Variants in UBA52 observed in about 807,000 individuals in gnomAD.
The protein encoded by UBA52 is ubiquitin A-52 residue ribosomal protein fusion product 1, also known as ubiquitin-ribosomal protein eL40 fusion protein.
Under a neutral mutation model 15.3 loss-of-function variants are expected in UBA52, and 1 was observed. That is an observed-to-expected ratio of 0.07 (90% CI 0.02 to 0.31). UBA52 has a LOEUF of 0.31. UBA52 is among the 10% of genes least tolerant of loss of function. UBA52 has a pLI of 1.00. For missense variants in UBA52, 87 were observed against 168.0 expected, an observed-to-expected ratio of 0.52 and a Z score of 2.66; for synonymous variants, 50 against 58.3, an observed-to-expected ratio of 0.86 and a Z score of 0.65.
chr19:18,564,910 T>G, the UBA52 span: 1 of 1,613,810 alleles, frequency 6.2e-7, no homozygotes, highest in South Asian at 1.1e-5. Flanking sequence ...CTGCTCAACT[T>G]CAACAACCTG....
intron 3 of UBA52, 35 bp downstream of exon 3, chr19:18,573,783 G>A: frequency 6.3e-7 from 1 of 1,598,236 alleles, no homozygotes; most frequent in Non-Finnish European, 8.6e-7. Context: ...AGGGACCCAA[G>A]ATCCCCAGGT....
upstream of UBA52, among the ~76,000 whole-genome samples, chr19:18,570,044 G>A (rs1042793935): frequency 2.0e-5 from 3 of 152,114 alleles, no homozygotes; most frequent in Admixed American, 6.6e-5. Context: ...AAAAAGAAAA[G>A]GAAATTAGGT....
In UBA52 at chr19:18,574,955, C is replaced by A; in HGVS notation, c.276C>A (p.Asp92Glu). 1 of 1,614,206 alleles carries A rather than the reference C, an allele frequency of 6.2e-7. No homozygotes were observed. The highest frequency in any genetic ancestry group is 1.1e-5 in the South Asian group (1 of 91,088). Residue 92 changes from aspartate to glutamate, a missense_variant, in exon 4 of 5, where the codon GAC (aspartate) becomes GAA (glutamate). Transcript: ENST00000442744. ...LRQLAQKYNCDKMICRKCYAR... is the reference protein window; with the variant it reads ...LRQLAQKYNCEKMICRKCYAR... ...AGCTTGCCCAGAAATACAACTGCGA[C>A]AAGATGATCTGCCGCAAGTATGTGT... is the stretch of plus-strand genomic sequence containing the variant.
upstream of UBA52, chr19:18,571,615 C>T: frequency 6.6e-6 from 1 of 152,326 alleles, no homozygotes; most frequent in East Asian, 1.9e-4. Flanking sequence ...TGTCAGTGGC[C>T]TAGAGGCAGC....
chr19:18,565,570 G>A, the UBA52 span, among the ~76,000 whole-genome samples: 1 of 152,164 alleles, frequency 6.6e-6, no homozygotes, highest in East Asian at 1.9e-4. Flanking sequence ...CTGGAGTGCA[G>A]TGGCGTGATC....
the UBA52 span, chr19:18,565,015 G>A: frequency 2.9e-4 from 458 of 1,596,590 alleles, no homozygotes; most frequent in Non-Finnish European, 3.4e-4. Flanking sequence ...ATCTTCCGCC[G>A]TATCAGGTGG....
chr19:18,573,807 C>A, intron 3 of UBA52, 59 bp downstream of exon 3: 1 of 1,512,322 alleles, frequency 6.6e-7, no homozygotes, highest in Non-Finnish European at 9.2e-7. Flanking sequence ...AGGAAAGGAG[C>A]ATTGATGGCC....
chr19:18,568,224 A>T (rs1975351808), upstream of UBA52, among the ~76,000 whole-genome samples: 3 of 149,932 alleles, frequency 2.0e-5, no homozygotes, highest in African/African-American at 7.4e-5. Context: ...CCGAGATTAT[A>T]CCATTGCACT....
chr19:18,576,015 G>A lies in UBA52; in HGVS notation c.*865G>A, dbSNP rs951963148. The stretch of plus-strand genomic sequence containing the variant: ...TTCGCCTTGGCCTCCCAGAATGCTG[G>A]TATTACAGGCGTGAGCCAGCACGCC... On this transcript the variant is annotated 3_prime_UTR_variant, in exon 5 of 5. Transcript: ENST00000442744. The A allele has an allele frequency of 6.6e-6, 1 of 152,272 alleles. No homozygotes were observed. The highest frequency in any genetic ancestry group is 6.5e-5 in the Admixed American group (1 of 15,278). 9.4% of individuals were successfully genotyped at this position (152,272 alleles called of 1,614,324 possible). A position where few individuals can be genotyped will look rare whatever the true frequency, so the allele number is the denominator to read the frequency against.
At chr19:18,572,075 G>A (rs1018935953) in intron 1 of UBA52, 166 bp downstream of exon 1, 2 of 152,324 alleles carry the variant, frequency 1.3e-5, no homozygotes, top group African/African-American at 2.4e-5. Flanking sequence ...CAGGAGGCGA[G>A]CGCCGTTTTG....
chr19:18,574,796 C>G (rs558264272), intron 3 of UBA52, 74 bp from the exon 4 acceptor site: 1 of 1,576,790 alleles, frequency 6.3e-7, no homozygotes, highest in African/African-American at 1.3e-5. Flanking sequence ...ACTATAGGCC[C>G]TGGAGGGTCC....
rs1413805311 is a variant in UBA52 at position 18,576,910 on chromosome 19, T to C, written c.*1760T>C. 2.0e-5 allele frequency: 3 copies of C among 151,622 alleles called. No homozygotes were observed. The highest frequency in any genetic ancestry group is 4.4e-5 in the Non-Finnish European group (3 of 67,942). 9.4% of individuals were successfully genotyped at this position (151,622 alleles called of 1,614,324 possible). ...CTTGAACTACTGACCTCTTGTGATC[T>C]ACCTGTCTTGGCCTTCCAAAGTGCT... is the stretch of plus-strand genomic sequence containing the variant. On this transcript the variant is annotated 3_prime_UTR_variant, in exon 5 of 5. Transcript: ENST00000442744.
At chr19:18,566,212 A>T in the UBA52 span, among the ~76,000 whole-genome samples, 1 of 152,120 alleles carries the variant, frequency 6.6e-6, no homozygotes, top group South Asian at 2.1e-4. Context: ...GCACTTTGGG[A>T]GGCCGAGGCA....
chr19:18,570,391 A>G (rs1384476003), upstream of UBA52, among the ~76,000 whole-genome samples: 1 of 151,882 alleles, frequency 6.6e-6, no homozygotes, highest in Non-Finnish European at 1.5e-5. Flanking sequence ...TTGTAGAGAC[A>G]GGGTCTCACT....
At chr19:18,567,274 C>A, upstream of UBA52, 1 of 1,303,136 alleles carries the variant, frequency 7.7e-7, no homozygotes, top group Admixed American at 1.8e-5. Context: ...ATACTGAGAC[C>A]AGGCTGTAAT....
At chr19:18,568,767 C>A, upstream of UBA52, 1 of 659,330 alleles carries the variant, frequency 1.5e-6, no homozygotes, top group Non-Finnish European at 2.6e-6. Context: ...GGGGACAAGG[C>A]TCTCTCCCGA....
Position 18,574,185 on chromosome 19 carries a change from G to A in UBA52, c.190+437G>A, listed in dbSNP as rs1322678010. Among the ~76,000 whole-genome samples, 9 of 149,262 alleles carry A rather than the reference G, an allele frequency of 6.0e-5. 1 individual carries two copies. The South Asian group carries it at 1.9e-3, about 32-fold the overall frequency. ...TGTAGTCCCAGCTACTCAGGAGGCT[G>A]AGGAAGGAGAATTGCTTGAACTCGG... On this transcript the variant is annotated intron_variant, in intron 3 of 4. Coordinates refer to ENST00000442744, the MANE Select transcript of UBA52 (RefSeq NM_001033930.3).
chr19:18,567,258 G>A (rs1422703375), upstream of UBA52: 4 of 1,428,250 alleles, frequency 2.8e-6, no homozygotes, highest in Non-Finnish European at 3.9e-6. Flanking sequence ...GCCACCTTGG[G>A]GCCTGATACT....
At position 18,574,215 on chromosome 19, in the gene UBA52, CA is replaced by C. The variant is rs41293565; in HGVS notation, c.190+478del. ...AGGAGAATTGCTTGAACTCGGGAGA[CA>C]AAAAAAAAAAGTCATAATGTGAATT... On this transcript the variant is annotated intron_variant, in intron 3 of 4. Coordinates refer to ENST00000442744, the MANE Select transcript of UBA52 (RefSeq NM_001033930.3). Among the ~76,000 whole-genome samples, 175 of 143,814 alleles carry C rather than the reference CA, an allele frequency of 1.2e-3. 1 individual carries two copies. In the East Asian group the frequency reaches 0.023, roughly 19 times the overall value. 94.3% of individuals were successfully genotyped at this position (143,814 alleles called of 152,430 possible).
Sources: allele counts gnomAD v4.1 joint callset (sites outside exome capture counted in the v4.1 genomes callset), GRCh38; gene constraint gnomAD v4.1.1; transcripts MANE v1.5; gene names NCBI Gene and HGNC (gene_info 2026-07-23, HGNC 2026-07-21).